The following KCNIP4 variants were observed in gnomAD, a reference collection of about 807,000 sequenced individuals.
KCNIP4 encodes the protein potassium voltage-gated channel interacting protein 4.
KCNIP4 carries 12 observed loss-of-function variants against 34.0 expected under a neutral mutation model. The ratio of observed to expected loss-of-function variants is 0.35; its 90% CI spans 0.23 to 0.57. The LOEUF is 0.57. KCNIP4 is among the 20% of genes least tolerant of loss of function. The pLI is 0.83. For missense variants in KCNIP4, 238 were observed against 311.7 expected (o/e 0.76, Z 1.78); for synonymous variants, 124 against 102.2 (o/e 1.21, Z -1.29).
At chr4:21,670,502 C>A (rs1388310156) in intron 1 of KCNIP4, among the ~76,000 whole-genome samples, 3 of 151,466 alleles carry the variant, frequency 2.0e-5, no homozygotes, top group Non-Finnish European at 4.4e-5. Flanking sequence ...AGCGCACCAG[C>A]ATGGCACATG....
chr4:20,745,911 T>G (rs1752319927), intron 5 of KCNIP4, among the ~76,000 whole-genome samples: 1 of 152,214 alleles, frequency 6.6e-6, no homozygotes, highest in South Asian at 2.1e-4. Flanking sequence ...TAACTGGCTT[T>G]GTTAGAAAAA....
chr4:21,668,941 G>A (rs1180378941), intron 1 of KCNIP4, among the ~76,000 whole-genome samples: 7 of 151,980 alleles, frequency 4.6e-5, no homozygotes, highest in Non-Finnish European at 8.8e-5. Context: ...TGCCTCTCCC[G>A]TCTCTCCTTC....
At position 21,675,432 on chromosome 4, in the gene KCNIP4, T is replaced by A. The variant is rs1749815138; in HGVS notation, c.61+273139A>T. Among the ~76,000 whole-genome samples, 3 of 152,264 alleles carry A rather than the reference T, an allele frequency of 2.0e-5. No homozygotes were observed. The South Asian group carries it at 6.2e-4, about 32-fold the overall frequency. On this transcript the variant is annotated intron_variant, in intron 1 of 8. Transcript: ENST00000382152. ...AATAACTTAATCATATATTTTTAAA[T>A]AATTTAAAGAATGTAGCTGGATTGT...
At chr4:21,058,559 A>G (rs1402869056) in intron 1 of KCNIP4, among the ~76,000 whole-genome samples, 2 of 152,146 alleles carry the variant, frequency 1.3e-5, no homozygotes, top group Admixed American at 6.5e-5. Context: ...TCCCTAAATC[A>G]TAGACACTGG....
intron 1 of KCNIP4, among the ~76,000 whole-genome samples, chr4:20,987,133 G>C (rs1198448687): frequency 6.6e-6 from 1 of 152,192 alleles, no homozygotes; most frequent in African/African-American, 2.4e-5. Flanking sequence ...TTGGAAAGAA[G>C]AGTTGCCTGC....
intron 1 of KCNIP4, among the ~76,000 whole-genome samples, chr4:21,720,502 G>A (rs953115742): frequency 3.6e-5 from 5 of 137,438 alleles, no homozygotes; most frequent in Non-Finnish European, 6.4e-5. Context: ...CGGAGCTGTT[G>A]TTTTTTTTCC....
intron 1 of KCNIP4, among the ~76,000 whole-genome samples, chr4:21,360,165 C>A (rs1466302597): frequency 6.6e-6 from 1 of 151,964 alleles, no homozygotes. Flanking sequence ...TAGACATGAC[C>A]TTGTACTTAT....
intron 1 of KCNIP4, among the ~76,000 whole-genome samples, chr4:20,996,601 G>A (rs1737577975): frequency 1.3e-5 from 2 of 152,092 alleles, no homozygotes; most frequent in Middle Eastern, 3.4e-3. Flanking sequence ...TCTCTTTCTT[G>A]CCACTCACTT....
chr4:21,636,512 G>A (rs1560581655), intron 1 of KCNIP4, among the ~76,000 whole-genome samples: 1 of 152,104 alleles, frequency 6.6e-6, no homozygotes, highest in African/African-American at 2.4e-5. Flanking sequence ...CCTTTCTATT[G>A]TACATTGTAC....
At chr4:20,975,203 G>C (rs573442840) in intron 1 of KCNIP4, among the ~76,000 whole-genome samples, 1 of 152,156 alleles carries the variant, frequency 6.6e-6, no homozygotes, top group Non-Finnish European at 1.5e-5. Flanking sequence ...ATTTTTAAGA[G>C]AGTGTAGACT....
intron 1 of KCNIP4, among the ~76,000 whole-genome samples, chr4:21,772,896 G>A (rs1718895432): frequency 6.6e-6 from 1 of 151,768 alleles, no homozygotes; most frequent in African/African-American, 2.4e-5. Context: ...TTTCTTGGAG[G>A]GTTTTTCATG....
intron 1 of KCNIP4, among the ~76,000 whole-genome samples, chr4:21,708,292 T>C (rs2109072633): frequency 1.3e-5 from 2 of 152,262 alleles, no homozygotes; most frequent in African/African-American, 4.8e-5. Flanking sequence ...TTTACACTCT[T>C]ACCCATTTTT....
intron 1 of KCNIP4, among the ~76,000 whole-genome samples, chr4:21,329,678 C>T (rs76376753): frequency 0.078 from 11,891 of 152,030 alleles, 712 homozygotes; most frequent in African/African-American, 0.17. Flanking sequence ...CCAAAGGAGG[C>T]GAGACTCACA....
At chr4:21,547,074 T>A (rs937462475) in intron 1 of KCNIP4, among the ~76,000 whole-genome samples, 10 of 152,138 alleles carry the variant, frequency 6.6e-5, no homozygotes, top group African/African-American at 2.2e-4. Flanking sequence ...GGTGATCCAC[T>A]GTGATCAAAC....
chr4:21,261,141 T>C (rs542484581), intron 1 of KCNIP4, among the ~76,000 whole-genome samples: 1 of 152,304 alleles, frequency 6.6e-6, no homozygotes, highest in South Asian at 2.1e-4. Context: ...TCTATTTCCA[T>C]AGAAGGCTTG....
At chr4:21,295,158 T>A (rs951848116) in intron 1 of KCNIP4, among the ~76,000 whole-genome samples, 1 of 152,076 alleles carries the variant, frequency 6.6e-6, no homozygotes, top group Non-Finnish European at 1.5e-5. Flanking sequence ...GCTCACCCCA[T>A]GTGGAAGGTA....
chr4:21,831,126 A>G (rs1384178422), intron 1 of KCNIP4, among the ~76,000 whole-genome samples: 1 of 152,154 alleles, frequency 6.6e-6, no homozygotes, highest in East Asian at 1.9e-4. Flanking sequence ...TGGAAACACA[A>G]CATACAAAAA....
chr4:21,112,026 T>TCC (rs1560732731), intron 1 of KCNIP4, among the ~76,000 whole-genome samples: 1 of 82,958 alleles, frequency 1.2e-5, no homozygotes. Flanking sequence ...CCTTTCTCTG[T>TCC]ATCTATCTAT....
chr4:20,786,575 C>G (rs1237979591), intron 3 of KCNIP4, among the ~76,000 whole-genome samples: 1 of 152,096 alleles, frequency 6.6e-6, no homozygotes, highest in Non-Finnish European at 1.5e-5. Context: ...GAAACTTTAT[C>G]AGAAAAAGAA....
Sources: allele counts gnomAD v4.1 joint callset (sites outside exome capture counted in the v4.1 genomes callset), GRCh38; gene constraint gnomAD v4.1.1; transcripts MANE v1.5; gene names NCBI Gene and HGNC (gene_info 2026-07-23, HGNC 2026-07-21).